The following LRP1B variants were observed in gnomAD, a reference collection of about 807,000 sequenced individuals.
LRP1B encodes LDL receptor related protein 1B.
A neutral mutation model predicts 556.6 loss-of-function variants in LRP1B; 217 were observed. The observed-to-expected ratio is 0.39, with a 90% CI of 0.35 to 0.44. The LOEUF is 0.44. Ranked by LOEUF, LRP1B falls within the 20% of genes least tolerant of loss-of-function variation. LRP1B has a pLI of 1.00. For synonymous variants in LRP1B, 2,047 were observed against 1,865.8 expected (o/e 1.10, Z -2.50); for missense variants, 5,053 against 5,620.8 (o/e 0.90, Z 3.23).
intron 41 of LRP1B, among the ~76,000 whole-genome samples, chr2:140,673,502 C>T (rs1050390730): frequency 4.6e-5 from 7 of 152,102 alleles, no homozygotes; most frequent in Non-Finnish European, 8.8e-5. Context: ...CCACCATGCT[C>T]TTTACTTCTG....
chr2:140,838,785 T>C (rs1349175095), intron 31 of LRP1B, among the ~76,000 whole-genome samples: 3 of 152,144 alleles, frequency 2.0e-5, no homozygotes, highest in Non-Finnish European at 2.9e-5. Flanking sequence ...AAATGACAAA[T>C]AGGCCCTGTA....
At chr2:140,597,075 T>C (rs570608202) in intron 43 of LRP1B, among the ~76,000 whole-genome samples, 1 of 152,172 alleles carries the variant, frequency 6.6e-6, no homozygotes, top group African/African-American at 2.4e-5. Context: ...AACAAAAATA[T>C]TAACTTTTAA....
chr2:141,113,859 G>T (rs943147863), intron 7 of LRP1B, among the ~76,000 whole-genome samples: 1 of 151,970 alleles, frequency 6.6e-6, no homozygotes, highest in African/African-American at 2.4e-5. Flanking sequence ...TCACTATTAG[G>T]ACACTCAGAT....
chr2:141,822,961 G>A (rs190771629), intron 1 of LRP1B, among the ~76,000 whole-genome samples: 15 of 152,268 alleles, frequency 9.9e-5, no homozygotes, highest in African/African-American at 3.4e-4. Context: ...AACACATTCC[G>A]TGAACAGAGC....
At chr2:140,970,736 TTTTTTTTTTTTTTTTTTTTTTTG>T (rs1696392837) in intron 18 of LRP1B, among the ~76,000 whole-genome samples, 1 of 30,300 alleles carries the variant, frequency 3.3e-5, no homozygotes, top group African/African-American at 7.1e-5. Context: ...TTTTTTTTTT[TTTTTTTTTTTTTTTTTTTTTTTG>T]AGAGAGGGTC....
chr2:140,839,993 A>G lies in LRP1B; in HGVS notation c.5207T>C (p.Val1736Ala). 6 of 1,603,754 alleles carry G rather than the reference A, an allele frequency of 3.7e-6. No homozygotes were observed. Among genetic ancestry groups the G allele is most frequent in the East Asian group, 4.5e-5 (2 of 44,710 alleles). The stretch of plus-strand genomic sequence containing the variant: ...TGACTATTAAAAAAAATACTTACCA[A>G]CTGGCTCCTTCTGATTCTGAAACAG... Reference protein sequence around the residue: ...KILFQNQKEPVGLSIDYVENK... With the variant: ...KILFQNQKEPAGLSIDYVENK... Residue 1736 changes from valine (V) to alanine (A), a missense_variant and splice_region_variant, in exon 31 of 91, where the codon GTT becomes GCT. Coordinates refer to ENST00000389484, the MANE Select transcript of LRP1B (RefSeq NM_018557.3).
chr2:141,496,292 A>C lies in LRP1B; in HGVS notation c.206-15759T>G, dbSNP rs552342028. On this transcript the variant is annotated intron_variant, in intron 2 of 90. Coordinates refer to ENST00000389484, the MANE Select transcript of LRP1B (RefSeq NM_018557.3). ...TATGCACTCTAAAAAAAAAATGCCA[A>C]ACTTTAATGTACATCTGAATCACCT... Among the ~76,000 whole-genome samples the C allele has an allele frequency of 9.9e-5, 15 of 152,068 alleles. No homozygotes were observed. The East Asian group carries it at 2.7e-3, about 28-fold the overall frequency.
intron 1 of LRP1B, among the ~76,000 whole-genome samples, chr2:142,125,076 TA>T (rs1252554337): frequency 1.3e-5 from 2 of 151,824 alleles, no homozygotes; most frequent in Non-Finnish European, 3.0e-5. Context: ...CTCTACATTT[TA>T]ATATCACTCA....
intron 6 of LRP1B, among the ~76,000 whole-genome samples, chr2:141,217,754 A>G (rs538530391): frequency 3.1e-4 from 47 of 152,312 alleles, no homozygotes; most frequent in Middle Eastern, 3.4e-3. Context: ...ATTAAACTAA[A>G]GAGCTTCTGC....
chr2:140,716,903 C>G, intron 35 of LRP1B, 87 bp from the exon 36 acceptor site: 1 of 624,852 alleles, frequency 1.6e-6, no homozygotes, highest in African/African-American at 1.9e-5. Context: ...GCAACAGTAT[C>G]TTTTAGGATA....
At chr2:140,933,114 C>G (rs1695104039) in intron 20 of LRP1B, among the ~76,000 whole-genome samples, 1 of 151,662 alleles carries the variant, frequency 6.6e-6, no homozygotes, top group Admixed American at 6.6e-5. Context: ...CCTTAGGTAG[C>G]CATGCATGCA....
intron 7 of LRP1B, among the ~76,000 whole-genome samples, chr2:141,110,213 G>T (rs975414941): frequency 6.6e-6 from 1 of 151,920 alleles, no homozygotes; most frequent in Admixed American, 6.6e-5. Flanking sequence ...ATTTCATGTG[G>T]GTGGGTCTAC....
At chr2:141,366,020 T>C (rs781392185) in intron 3 of LRP1B, among the ~76,000 whole-genome samples, 12 of 152,190 alleles carry the variant, frequency 7.9e-5, no homozygotes, top group Non-Finnish European at 1.5e-4. Context: ...CTCTTGTTAA[T>C]CTTAACAAAT....
intron 18 of LRP1B, among the ~76,000 whole-genome samples, chr2:140,980,124 A>G (rs1252514181): frequency 2.0e-5 from 3 of 152,098 alleles, no homozygotes; most frequent in Non-Finnish European, 4.4e-5. Flanking sequence ...AAAAGAGAAA[A>G]TCAGATCAAA....
At chr2:141,312,283 A>G (rs1415487278) in intron 3 of LRP1B, among the ~76,000 whole-genome samples, 1 of 152,164 alleles carries the variant, frequency 6.6e-6, no homozygotes, top group Non-Finnish European at 1.5e-5. Context: ...TGAAGATGAC[A>G]AGGATGAAAA....
intron 43 of LRP1B, among the ~76,000 whole-genome samples, chr2:140,545,440 T>A (rs1680294680): frequency 6.6e-6 from 1 of 152,166 alleles, no homozygotes; most frequent in South Asian, 2.1e-4. Context: ...AATTATTTAA[T>A]GCATTTTGAG....
intron 6 of LRP1B, among the ~76,000 whole-genome samples, chr2:141,218,243 A>G (rs1573668101): frequency 6.6e-6 from 1 of 152,224 alleles, no homozygotes. Context: ...TCAAATAACT[A>G]AAAACAGAAT....
At chr2:140,271,382 C>T (rs1475682900) in intron 85 of LRP1B, among the ~76,000 whole-genome samples, 1 of 151,876 alleles carries the variant, frequency 6.6e-6, no homozygotes, top group South Asian at 2.1e-4. Context: ...GCTACAATAT[C>T]GATTGATCAC....
chr2:140,673,483 C>T (rs1356917196), intron 41 of LRP1B, among the ~76,000 whole-genome samples: 2 of 152,056 alleles, frequency 1.3e-5, no homozygotes, highest in African/African-American at 4.8e-5. Flanking sequence ...TGAGTTAATA[C>T]AGTTTTTTCC....
Sources: allele counts gnomAD v4.1 joint callset (sites outside exome capture counted in the v4.1 genomes callset), GRCh38; gene constraint gnomAD v4.1.1; transcripts MANE v1.5; gene names NCBI Gene and HGNC (gene_info 2026-07-23, HGNC 2026-07-21).